The following DENND2A variants were observed in gnomAD, a reference collection of about 807,000 sequenced individuals.
The protein encoded by DENND2A is DENN domain containing 2A.
A neutral mutation model predicts 105.3 loss-of-function variants in DENND2A; 53 were observed. The ratio of observed to expected loss-of-function variants is 0.50; its 90% CI spans 0.40 to 0.63. The LOEUF (loss-of-function observed/expected upper bound fraction) is 0.63, where lower values mean the gene tolerates loss of function less well. DENND2A is among the 30% of genes least tolerant of loss of function. The pLI is 0.00. For missense variants in DENND2A, 1,138 were observed against 1,279.6 expected (o/e 0.89, Z 1.69); for synonymous variants, 522 against 508.4 (o/e 1.03, Z -0.36).
intron 1 of DENND2A, among the ~76,000 whole-genome samples, chr7:140,608,209 G>A (rs1388182402): frequency 2.0e-5 from 3 of 152,168 alleles, no homozygotes; most frequent in Non-Finnish European, 4.4e-5. Context: ...CAGAGAAATG[G>A]CTGATGCCAT....
At chr7:140,564,287 A>C (rs1031439937) in intron 9 of DENND2A, among the ~76,000 whole-genome samples, 2 of 121,772 alleles carry the variant, frequency 1.6e-5, no homozygotes, top group African/African-American at 6.9e-5. Context: ...TGTCAAAAAA[A>C]AAAAAAAAAA....
intron 12 of DENND2A, among the ~76,000 whole-genome samples, chr7:140,553,473 T>C (rs547542490): frequency 2.0e-5 from 3 of 152,248 alleles, no homozygotes; most frequent in Admixed American, 2.0e-4. Context: ...TTGTCTCAAC[T>C]GCAAAGAGGC....
At chr7:140,551,800 G>A (rs1585609925) in intron 12 of DENND2A, among the ~76,000 whole-genome samples, 1 of 152,102 alleles carries the variant, frequency 6.6e-6, no homozygotes. Context: ...CTTGCTCCAC[G>A]CCTAGAAATA....
At chr7:140,567,050 C>G in intron 9 of DENND2A, 36 bp downstream of exon 9, 1 of 1,526,034 alleles carries the variant, frequency 6.6e-7, no homozygotes, top group Non-Finnish European at 8.8e-7. Context: ...ATGGTTAGAA[C>G]CCTGGCAGGC....
chr7:140,557,533 T>TATATATATATATA (rs1563139334), intron 11 of DENND2A, among the ~76,000 whole-genome samples: 2 of 13,998 alleles, frequency 1.4e-4, no homozygotes, highest in Non-Finnish European at 2.8e-4. Context: ...ATATATATAT[T>TATATATATATATA]TTTTTTTTTT....
intron 1 of DENND2A, among the ~76,000 whole-genome samples, chr7:140,610,848 C>A (rs890675945): frequency 6.6e-6 from 1 of 152,142 alleles, no homozygotes; most frequent in Non-Finnish European, 1.5e-5. Flanking sequence ...GACCCGGCAG[C>A]TCCTTTAGAA....
intron 1 of DENND2A, among the ~76,000 whole-genome samples, chr7:140,638,108 A>T (rs1306247777): frequency 2.0e-5 from 3 of 152,170 alleles, no homozygotes. Flanking sequence ...CAGTCTTTAC[A>T]TAAAGTTCCA....
At chr7:140,551,014 C>A (rs1482748855) in intron 12 of DENND2A, among the ~76,000 whole-genome samples, 1 of 151,602 alleles carries the variant, frequency 6.6e-6, no homozygotes. Context: ...GAAAAAAAAG[C>A]TTGTGGCCGG....
Position 140,519,659 on chromosome 7 carries a change from C to T in DENND2A, c.2971G>A (p.Gly991Ser), listed in dbSNP as rs749345443. The T allele has an allele frequency of 8.7e-6, 14 of 1,613,960 alleles. No homozygotes were observed. The highest frequency in any genetic ancestry group is 3.3e-5 in the Admixed American group (2 of 59,992). ...AGTCCCTTCAGGAACTTATTGACACCGCTGTGCTCTCCACTGGGGAGTGTT... is the reference window on the plus strand; with the variant it reads ...AGTCCCTTCAGGAACTTATTGACACTGCTGTGCTCTCCACTGGGGAGTGTT... ...LETLPSGEHS[G>S]VNKFLKGLGN... Residue 991 changes from glycine (G) to serine (S), a missense_variant, in exon 19 of 20, where the codon GGT (glycine) becomes AGT (serine). Physicochemically the swap from Gly to Ser is moderately conservative, Grantham distance 56 (BLOSUM62 0). Coordinates refer to ENST00000496613, the MANE Select transcript of DENND2A (RefSeq NM_015689.5).
At chr7:140,607,125 T>A (rs890330820) in intron 1 of DENND2A, among the ~76,000 whole-genome samples, 4 of 152,118 alleles carry the variant, frequency 2.6e-5, no homozygotes, top group Admixed American at 2.0e-4. Context: ...AGGGAAGCCC[T>A]CTCCCAACTC....
intron 12 of DENND2A, among the ~76,000 whole-genome samples, chr7:140,551,176 C>T (rs1797121525): frequency 6.6e-6 from 1 of 151,364 alleles, no homozygotes; most frequent in African/African-American, 2.4e-5. Context: ...TGGCGGGCTC[C>T]TGTAATCTCA....
Position 140,527,381 on chromosome 7 carries a change from C to A in DENND2A, c.2442G>T (p.Thr814=), listed in dbSNP as rs370709180. ...PAMVDIVCSP[T]PFLIGLLSSS... ...TGGAGAGCAGCCCGATGAGGAAGGG[C>A]GTCGGCGAGCACACGATGTCGACCA... The change falls in exon 15 of 20, where the codon ACG becomes ACT. Residue 814 remains threonine (T), a synonymous_variant. Transcript: ENST00000496613. The surrounding 1 kb of genome is among the most constrained non-coding windows in gnomAD (Gnocchi z 4.9). The A allele has an allele frequency of 6.2e-7, 1 of 1,606,776 alleles. No homozygotes were observed. The highest frequency in any genetic ancestry group is 8.5e-7 in the Non-Finnish European group (1 of 1,177,900).
chr7:140,577,867 C>T (rs77236945), intron 5 of DENND2A, among the ~76,000 whole-genome samples: 4 of 152,120 alleles, frequency 2.6e-5, no homozygotes, highest in African/African-American at 7.2e-5. Flanking sequence ...ATCAGGGAAC[C>T]AGCAGTTGCT....
chr7:140,621,284 C>T (rs1319165592), intron 1 of DENND2A, among the ~76,000 whole-genome samples: 1 of 152,176 alleles, frequency 6.6e-6, no homozygotes, highest in East Asian at 1.9e-4. Flanking sequence ...ACCCTCCCAC[C>T]TTGGCCTCCC....
intron 12 of DENND2A, among the ~76,000 whole-genome samples, chr7:140,549,347 G>C (rs796152412): frequency 9.8e-4 from 149 of 151,778 alleles, no homozygotes; most frequent in Middle Eastern, 6.8e-3. Context: ...TGCAACCTCT[G>C]CCTCCTAGCA....
intron 5 of DENND2A, among the ~76,000 whole-genome samples, chr7:140,578,760 G>A (rs1214532139): frequency 6.6e-6 from 1 of 152,102 alleles, no homozygotes; most frequent in East Asian, 1.9e-4. Flanking sequence ...GGGCACCTGC[G>A]CTACTCAGGA....
intron 3 of DENND2A, among the ~76,000 whole-genome samples, chr7:140,591,690 TTTCC>T (rs34439635): frequency 6.3e-4 from 87 of 138,682 alleles, no homozygotes; most frequent in East Asian, 5.9e-3. Flanking sequence ...TCTTTCTTTC[TTTCC>T]TTCCTTCCTT....
rs561651686 is a variant in DENND2A, at chr7:140,525,801, T to C, written c.2506-9A>G. On this transcript the variant is annotated splice_polypyrimidine_tract_variant and intron_variant, in intron 15 of 19. Transcript: ENST00000496613. The stretch of plus-strand genomic sequence containing the variant: ...AGGTCAACCACAAGGACCTATGAGA[T>C]GAGACGAAAGGGACTGTTACTGTCA... The C allele has an allele frequency of 9.4e-6, 15 of 1,597,238 alleles. No individual in the cohort carries two copies. Among genetic ancestry groups the C allele is most frequent in the Admixed American group, 3.4e-5 (2 of 58,194 alleles).
intron 3 of DENND2A, among the ~76,000 whole-genome samples, chr7:140,598,670 A>G (rs746123456): frequency 2.1e-4 from 32 of 152,190 alleles, no homozygotes; most frequent in Non-Finnish European, 3.5e-4. Flanking sequence ...TACAAAGACC[A>G]TATGAGAAAA....
Sources: gnomAD v4.1 joint callset for allele counts (sites outside exome capture counted in the v4.1 genomes callset) on GRCh38, gnomAD v4.1.1 for gene constraint, Gnocchi (gnomAD v3.1) non-coding constraint, MANE v1.5 for transcripts, NCBI Gene and HGNC (gene_info 2026-07-23, HGNC 2026-07-21) for gene names.